IL1RAPL2: variants seen among roughly 807,000 people sequenced by gnomAD.
The protein encoded by IL1RAPL2 is X-linked interleukin-1 receptor accessory protein-like 2.
IL1RAPL2 carries 3 observed loss-of-function variants against 44.1 expected under a neutral mutation model. The observed-to-expected ratio is 0.07, with a 90% CI of 0.03 to 0.18. The LOEUF is 0.18. Among genes scored for constraint, IL1RAPL2 ranks in the 10% least tolerant of loss-of-function variants. The pLI is 1.00. For synonymous variants in IL1RAPL2, 181 were observed against 178.8 expected (o/e 1.01, Z -0.10); for missense variants, 391 against 496.4 (o/e 0.79, Z 2.02).
chrX:105,099,482 T>TTTC lies in IL1RAPL2; in HGVS notation c.83-95993_83-95992insTTC, dbSNP rs2032644316. 3.3e-5 allele frequency among the ~76,000 whole-genome samples: 3 copies of TTTC among 90,369 alleles called. No homozygotes were observed. The Admixed American group carries it at 3.7e-4, about 11-fold the overall frequency. The allele number at this position is 90,369 out of a possible 115,157, so 78.5% of individuals were successfully genotyped here. A position where few individuals can be genotyped will look rare whatever the true frequency, so the allele number is the denominator to read the frequency against. On this transcript the variant is annotated intron_variant, in intron 2 of 10. Transcript: ENST00000372582. ...TTTTTTTTTTTTTTTTTTTTTTTTT[T>TTTC]GAGATGGAGTCTCGCTCTGTCGCCC...
At chrX:104,898,161 T>C (rs1923707917) in intron 2 of IL1RAPL2, among the ~76,000 whole-genome samples, 4 of 112,104 alleles carry the variant, frequency 3.6e-5, no homozygotes, top group African/African-American at 1.3e-4. Flanking sequence ...CCATGGAAAC[T>C]GGGTTAGGTA....
intron 2 of IL1RAPL2, among the ~76,000 whole-genome samples, chrX:105,162,452 T>C (rs147972192): frequency 0.017 from 1,927 of 112,276 alleles, 46 homozygotes; most frequent in African/African-American, 0.059. Context: ...TTATGTATAG[T>C]GGCCACAATC....
chrX:105,233,478 G>A (rs1343742640), intron 3 of IL1RAPL2, among the ~76,000 whole-genome samples: 1 of 111,924 alleles, frequency 8.9e-6, no homozygotes, highest in Non-Finnish European at 1.9e-5. Flanking sequence ...TACAGCTCCA[G>A]TTATAGAGAG....
intron 5 of IL1RAPL2, among the ~76,000 whole-genome samples, chrX:105,327,869 G>C (rs1282771623): frequency 1.8e-5 from 2 of 111,859 alleles, no homozygotes; most frequent in Non-Finnish European, 3.8e-5. Context: ...TTTTATGTAA[G>C]TAGTAATTAT....
At position 104,988,795 on chromosome X, in the gene IL1RAPL2, T is replaced by C. The variant is rs144251302; in HGVS notation, c.83-206680T>C. ...GCTACCCTTTCTTTTCATATGCATA[T>C]GCAATTTTTCACTGAATATGGACAT... On this transcript the variant is annotated intron_variant, in intron 2 of 10. Transcript: ENST00000372582. Among the ~76,000 whole-genome samples, 24 of 111,996 alleles carry C rather than the reference T, an allele frequency of 2.1e-4. No homozygotes were observed. The East Asian group carries it at 6.2e-3, about 29-fold the overall frequency.
chrX:105,265,765 G>A (rs1731152414), intron 4 of IL1RAPL2, among the ~76,000 whole-genome samples: 1 of 110,783 alleles, frequency 9.0e-6, no homozygotes, highest in Non-Finnish European at 1.9e-5. Context: ...ATGGGTACTC[G>A]CTGTCTCAGA....
At chrX:104,911,707 T>G (rs770983879) in intron 2 of IL1RAPL2, among the ~76,000 whole-genome samples, 1 of 111,456 alleles carries the variant, frequency 9.0e-6, no homozygotes, top group African/African-American at 3.3e-5. Context: ...AATCCAAACC[T>G]CTCACCCTGG....
At chrX:105,457,685 G>A (rs906239424) in intron 5 of IL1RAPL2, among the ~76,000 whole-genome samples, 2 of 107,746 alleles carry the variant, frequency 1.9e-5, no homozygotes, top group Non-Finnish European at 3.8e-5. Context: ...TTATATATAT[G>A]TATATATATA....
At chrX:105,180,474 A>G (rs1388315767) in intron 2 of IL1RAPL2, among the ~76,000 whole-genome samples, 1 of 112,271 alleles carries the variant, frequency 8.9e-6, no homozygotes, top group Non-Finnish European at 1.9e-5. Context: ...GTTTTGTCAT[A>G]TATGGCCTTT....
intron 2 of IL1RAPL2, among the ~76,000 whole-genome samples, chrX:104,913,486 A>T (rs774974617): frequency 1.1e-4 from 12 of 111,913 alleles, no homozygotes; most frequent in Admixed American, 3.8e-4. Flanking sequence ...TGGGTAGCCT[A>T]TATCTCTGGA....
intron 2 of IL1RAPL2, among the ~76,000 whole-genome samples, chrX:105,191,420 G>A (rs782367971): frequency 9.0e-6 from 1 of 111,589 alleles, no homozygotes; most frequent in South Asian, 3.8e-4. Context: ...TCACCATATT[G>A]GCCAGGCTGG....
At chrX:104,677,434 TGAG>T (rs1460780614) in intron 2 of IL1RAPL2, among the ~76,000 whole-genome samples, 5 of 111,229 alleles carry the variant, frequency 4.5e-5, no homozygotes, top group South Asian at 7.6e-4. Context: ...GGGACCCACT[TGAG>T]GAGGCAGTCT....
rs544849472 is a variant in IL1RAPL2, at chrX:105,420,067, G to GT, written c.698-64235dup. ...GTTGGAGATAAGAAAACTAACCCAG[G>GT]TTTTTTTTTTTCTTCTGAGTACAAC... On this transcript the variant is annotated intron_variant, in intron 5 of 10. Transcript: ENST00000372582. Among the ~76,000 whole-genome samples, 188 of 105,284 alleles carry GT rather than the reference G, an allele frequency of 1.8e-3. 4 individuals carry two copies. The highest frequency in any genetic ancestry group is 7.3e-3 in the Admixed American group (72 of 9,832). The allele number at this position is 105,284 out of a possible 115,157, so 91.4% of individuals were successfully genotyped here.
At chrX:104,577,154 T>C (rs974156890) in intron 1 of IL1RAPL2, among the ~76,000 whole-genome samples, 1 of 112,116 alleles carries the variant, frequency 8.9e-6, no homozygotes, top group African/African-American at 3.2e-5. Flanking sequence ...TCAAAGTGAG[T>C]AATTCCATTG....
At chrX:104,837,519 T>C (rs749307467) in intron 2 of IL1RAPL2, among the ~76,000 whole-genome samples, 8 of 112,395 alleles carry the variant, frequency 7.1e-5, no homozygotes, top group Non-Finnish European at 1.5e-4. Context: ...GCTGCATAAA[T>C]GTCTTCTTTT....
intron 2 of IL1RAPL2, among the ~76,000 whole-genome samples, chrX:104,869,374 A>G (rs762803759): frequency 2.7e-5 from 3 of 111,124 alleles, no homozygotes; most frequent in East Asian, 2.8e-4. Flanking sequence ...TTACTCCCAT[A>G]GCTATTTTGA....
chrX:105,594,452 C>A (rs1318758951), intron 6 of IL1RAPL2, among the ~76,000 whole-genome samples: 1 of 111,655 alleles, frequency 9.0e-6, no homozygotes, highest in Non-Finnish European at 1.9e-5. Flanking sequence ...TCTGGGTTAT[C>A]TGTCTCAGCT....
chrX:105,070,235 G>A (rs2032188735), intron 2 of IL1RAPL2, among the ~76,000 whole-genome samples: 1 of 111,630 alleles, frequency 9.0e-6, no homozygotes, highest in East Asian at 2.8e-4. Flanking sequence ...CAACAGCTAA[G>A]CAGAATCCCT....
intron 2 of IL1RAPL2, among the ~76,000 whole-genome samples, chrX:105,181,201 T>A (rs1272347189): frequency 8.9e-6 from 1 of 112,166 alleles, no homozygotes; most frequent in Non-Finnish European, 1.9e-5. Flanking sequence ...TTTCTGATTT[T>A]GAGTTTTCTC....
Sources: gnomAD v4.1 joint callset for allele counts (sites outside exome capture counted in the v4.1 genomes callset) on GRCh38, gnomAD v4.1.1 for gene constraint, MANE v1.5 for transcripts, NCBI Gene and HGNC (gene_info 2026-07-23, HGNC 2026-07-21) for gene names.